FAM135B: variants seen among roughly 807,000 people sequenced by gnomAD.
FAM135B encodes the protein family with sequence similarity 135 member B, also known as protein FAM135B.
In FAM135B, 43 loss-of-function variants were observed where a neutral mutation model predicts 127.7. The observed-to-expected ratio is 0.34, with a 90% CI of 0.26 to 0.43. The LOEUF (loss-of-function observed/expected upper bound fraction) is 0.43. FAM135B is among the 20% of genes least tolerant of loss of function. The pLI is 1.00. For synonymous variants in FAM135B, 670 were observed against 665.1 expected (o/e 1.01, Z -0.11); for missense variants, 1,558 against 1,725.6 (o/e 0.90, Z 1.72).
intron 17 of FAM135B, among the ~76,000 whole-genome samples, chr8:138,139,832 T>G (rs1346474681): frequency 6.6e-6 from 1 of 152,186 alleles, no homozygotes; most frequent in East Asian, 1.9e-4. Context: ...CTAACATTGA[T>G]GAGTGTAAGG....
At position 138,317,789 on chromosome 8, in the gene FAM135B, T is replaced by C. The variant is rs181029199; in HGVS notation, c.78-6869A>G. On this transcript the variant is annotated intron_variant, in intron 2 of 19. Transcript: ENST00000395297. ...CTTTTTATTTTCTGCTTTCGATGGA[T>C]ATACGGGACAAGAAACAATAACCTA... Among the ~76,000 whole-genome samples the C allele has an allele frequency of 2.3e-3, 353 of 152,348 alleles. 3 individuals carry two copies. The highest frequency in any genetic ancestry group is 8.3e-3 in the African/African-American group (346 of 41,580).
intron 3 of FAM135B, among the ~76,000 whole-genome samples, chr8:138,272,528 C>T (rs1402610379): frequency 6.6e-6 from 1 of 152,204 alleles, no homozygotes; most frequent in Non-Finnish European, 1.5e-5. Context: ...ATGAGAAAGG[C>T]TGTTGCTGCT....
chr8:138,461,871 C>T (rs1365303347), intron 1 of FAM135B, among the ~76,000 whole-genome samples: 1 of 152,162 alleles, frequency 6.6e-6, no homozygotes, highest in African/African-American at 2.4e-5. Flanking sequence ...TATCGTTCAA[C>T]CCACGAGGGT....
rs749753235 is a variant in FAM135B at position 138,250,882 on chromosome 8, G to C, written c.501C>G (p.Thr167=). Residue 167 remains threonine (T), a synonymous_variant, in exon 6 of 20, where the codon ACC becomes ACG. Transcript: ENST00000395297. ...DYFHLSVISV[T]VHAALVALQQ... ...GCAGAGCCACCAGGGCAGCATGGAC[G>C]GTCACCGAGATCACAGACAGGTGGA... 1.2e-6 allele frequency: 2 copies of C among 1,613,956 alleles called. No homozygotes were observed. The highest frequency in any genetic ancestry group is 1.7e-6 in the Non-Finnish European group (2 of 1,179,988).
intron 9 of FAM135B, among the ~76,000 whole-genome samples, chr8:138,189,581 G>A (rs1364869568): frequency 6.6e-6 from 1 of 152,152 alleles, no homozygotes; most frequent in Admixed American, 6.5e-5. Context: ...GGGGGTCATG[G>A]GTACTCCCCT....
chr8:138,484,557 T>C (rs1814913801), intron 1 of FAM135B, among the ~76,000 whole-genome samples: 1 of 152,292 alleles, frequency 6.6e-6, no homozygotes, highest in East Asian at 1.9e-4. Flanking sequence ...GAAGATGACA[T>C]AAAAGTTTCA....
intron 2 of FAM135B, among the ~76,000 whole-genome samples, chr8:138,356,319 T>C (rs947358661): frequency 6.6e-6 from 1 of 150,902 alleles, no homozygotes; most frequent in African/African-American, 2.4e-5. Context: ...AACATAAGAG[T>C]ATGTGAACGC....
intron 7 of FAM135B, among the ~76,000 whole-genome samples, chr8:138,214,624 T>A (rs796744406): frequency 4.6e-5 from 7 of 152,260 alleles, no homozygotes; most frequent in African/African-American, 1.7e-4. Context: ...AAAATAATCC[T>A]GTTGTCTAAA....
chr8:138,184,466 C>G (rs1030164485), intron 9 of FAM135B, among the ~76,000 whole-genome samples: 4 of 152,142 alleles, frequency 2.6e-5, no homozygotes, highest in Admixed American at 6.5e-5. Context: ...AAGGGCTCCC[C>G]CATACGGGGC....
chr8:138,473,116 G>A (rs1299597324), intron 1 of FAM135B, among the ~76,000 whole-genome samples: 1 of 152,110 alleles, frequency 6.6e-6, no homozygotes, highest in Non-Finnish European at 1.5e-5. Flanking sequence ...ACATTAGACT[G>A]TGATCATGTG....
chr8:138,217,434 T>TTC (rs1266202777), intron 7 of FAM135B, among the ~76,000 whole-genome samples: 6 of 145,484 alleles, frequency 4.1e-5, no homozygotes, highest in African/African-American at 1.5e-4. Context: ...ATATATTTCT[T>TTC]TTTTTTTTTT....
At position 138,452,546 on chromosome 8, in the gene FAM135B, T is replaced by C. The variant is rs558914437; in HGVS notation, c.-20+44125A>G. On this transcript the variant is annotated intron_variant, in intron 1 of 19. Coordinates refer to ENST00000395297, the MANE Select transcript of FAM135B (RefSeq NM_015912.4). ...AGTGGCGCGAGCTTCAGCTTCTACATAGACATCCTTCTGTGTCTTTTCCAC... is the reference window on the plus strand; with the variant it reads ...AGTGGCGCGAGCTTCAGCTTCTACACAGACATCCTTCTGTGTCTTTTCCAC... Among the ~76,000 whole-genome samples the C allele has an allele frequency of 2.0e-4, 30 of 152,312 alleles. No homozygotes were observed. The South Asian group carries it at 3.1e-3, about 16-fold the overall frequency.
chr8:138,336,333 A>C (rs1477571937), intron 2 of FAM135B, among the ~76,000 whole-genome samples: 2 of 152,142 alleles, frequency 1.3e-5, no homozygotes, highest in South Asian at 4.1e-4. Flanking sequence ...TTTTTTGAAA[A>C]GACCAACAAA....
intron 2 of FAM135B, among the ~76,000 whole-genome samples, chr8:138,363,081 G>T (rs1224943700): frequency 6.6e-6 from 1 of 152,154 alleles, no homozygotes; most frequent in African/African-American, 2.4e-5. Flanking sequence ...TTTCAAGAGA[G>T]ATGCTAGGGG....
At chr8:138,473,297 A>G (rs1814171637) in intron 1 of FAM135B, among the ~76,000 whole-genome samples, 1 of 152,104 alleles carries the variant, frequency 6.6e-6, no homozygotes, top group Non-Finnish European at 1.5e-5. Flanking sequence ...ACAAAAATCT[A>G]AAGTCTTCTC....
intron 1 of FAM135B, among the ~76,000 whole-genome samples, chr8:138,457,961 C>A (rs1043028151): frequency 1.4e-5 from 2 of 139,474 alleles, no homozygotes; most frequent in Non-Finnish European, 3.0e-5. Flanking sequence ...TGGGCAAGAG[C>A]GAGACTCCAT....
chr8:138,194,385 C>T (rs876369), intron 9 of FAM135B, among the ~76,000 whole-genome samples: 75,116 of 152,018 alleles, frequency 0.49, 19,850 homozygotes, highest in East Asian at 0.81. Context: ...TGTAACATGC[C>T]CTAAAGCAGG....
intron 1 of FAM135B, among the ~76,000 whole-genome samples, chr8:138,397,701 T>G (rs556161858): frequency 6.6e-6 from 1 of 152,326 alleles, no homozygotes; most frequent in South Asian, 2.1e-4. Context: ...CATGTTGGCA[T>G]AGACTCCACA....
At chr8:138,162,663 A>G (rs778290510) in intron 12 of FAM135B, among the ~76,000 whole-genome samples, 1 of 152,226 alleles carries the variant, frequency 6.6e-6, no homozygotes, top group Admixed American at 6.5e-5. Context: ...ACTGCTGGGG[A>G]ATATGAAATG....
Sources: gnomAD v4.1 joint callset for allele counts (sites outside exome capture counted in the v4.1 genomes callset) on GRCh38, gnomAD v4.1.1 for gene constraint, MANE v1.5 for transcripts, NCBI Gene and HGNC (gene_info 2026-07-23, HGNC 2026-07-21) for gene names.